RABGAP1L: variants seen among roughly 807,000 people sequenced by gnomAD.
RABGAP1L encodes the protein RAB GTPase activating protein 1 like.
Under a neutral mutation model 137.7 loss-of-function variants are expected in RABGAP1L, and 63 were observed. The observed-to-expected ratio is 0.46, with a 90% CI of 0.37 to 0.56. The LOEUF is 0.56. RABGAP1L is among the 20% of genes least tolerant of loss of function. The probability of loss-of-function intolerance (pLI) is 0.00; values close to 1 mark genes in which losing one functional copy is unlikely to be tolerated. For synonymous variants in RABGAP1L, 431 were observed against 433.7 expected, an observed-to-expected ratio of 0.99 and a Z score of 0.08; for missense variants, 1,095 against 1,244.0, an observed-to-expected ratio of 0.88 and a Z score of 1.80.
intron 13 of RABGAP1L, among the ~76,000 whole-genome samples, chr1:174,487,570 A>G (rs1659795599): frequency 6.6e-6 from 1 of 151,974 alleles, no homozygotes; most frequent in Non-Finnish European, 1.5e-5. Flanking sequence ...TTGTTTCTTT[A>G]TCCATTCAGC....
intron 11 of RABGAP1L, among the ~76,000 whole-genome samples, chr1:174,336,635 C>T (rs776382234): frequency 6.6e-6 from 1 of 152,058 alleles, no homozygotes; most frequent in South Asian, 2.1e-4. Context: ...GTCTGCTTTC[C>T]TAAAAAATGT....
intron 13 of RABGAP1L, among the ~76,000 whole-genome samples, chr1:174,530,790 TATACATACATACATAC>T (rs79486666): frequency 2.7e-5 from 4 of 146,538 alleles, no homozygotes; most frequent in Admixed American, 7.0e-5. Flanking sequence ...CCAAGATTTT[TATACATACATACATAC>T]ATACATACAT....
chr1:174,840,593 C>T (rs1226467858), intron 19 of RABGAP1L, among the ~76,000 whole-genome samples: 1 of 150,160 alleles, frequency 6.7e-6, no homozygotes, highest in African/African-American at 2.5e-5. Flanking sequence ...GTGCGGATCA[C>T]CTGAGGTCAG....
At chr1:174,544,876 A>G in intron 13 of RABGAP1L, 1 of 201,084 alleles carries the variant, frequency 5.0e-6, no homozygotes, top group Non-Finnish European at 1.1e-5. Context: ...TCCACTCCAG[A>G]CCCTGTTTGC....
At chr1:174,525,328 T>G (rs979046873) in intron 13 of RABGAP1L, among the ~76,000 whole-genome samples, 3 of 152,170 alleles carry the variant, frequency 2.0e-5, no homozygotes, top group African/African-American at 7.2e-5. Context: ...CATCAGTGTT[T>G]TATAGCTTTT....
intron 18 of RABGAP1L, among the ~76,000 whole-genome samples, chr1:174,767,887 G>A (rs1342125858): frequency 1.3e-5 from 2 of 152,146 alleles, no homozygotes; most frequent in African/African-American, 2.4e-5. Flanking sequence ...CACATCTCAC[G>A]CGGCTGTGGC....
At chr1:174,187,952 A>G (rs1452148815) in intron 1 of RABGAP1L, among the ~76,000 whole-genome samples, 2 of 152,160 alleles carry the variant, frequency 1.3e-5, no homozygotes, top group Non-Finnish European at 2.9e-5. Context: ...TCTGATTGTT[A>G]TGTCTTAAGA....
At chr1:174,312,887 G>A (rs1678989906) in intron 11 of RABGAP1L, among the ~76,000 whole-genome samples, 1 of 152,076 alleles carries the variant, frequency 6.6e-6, no homozygotes, top group African/African-American at 2.4e-5. Flanking sequence ...TGGCACCTTT[G>A]TCAAAAAATA....
At chr1:174,606,477 C>G (rs1225378316) in intron 13 of RABGAP1L, among the ~76,000 whole-genome samples, 1 of 152,200 alleles carries the variant, frequency 6.6e-6, no homozygotes, top group Non-Finnish European at 1.5e-5. Flanking sequence ...AAGCTACTTT[C>G]TTCTGTGACC....
chr1:174,750,015 G>A (rs563198322), intron 17 of RABGAP1L, among the ~76,000 whole-genome samples: 6 of 151,948 alleles, frequency 3.9e-5, no homozygotes, highest in Admixed American at 1.3e-4. Context: ...GACTACAGGC[G>A]CCTGCCACCA....
intron 17 of RABGAP1L, among the ~76,000 whole-genome samples, chr1:174,732,207 A>T (rs1281855865): frequency 1.3e-5 from 2 of 151,842 alleles, no homozygotes; most frequent in Non-Finnish European, 2.9e-5. Flanking sequence ...CCCCCAAAAA[A>T]AAAAAACATG....
intron 1 of RABGAP1L, among the ~76,000 whole-genome samples, chr1:174,177,065 G>C (rs1459901997): frequency 1.3e-5 from 2 of 152,130 alleles, no homozygotes; most frequent in Non-Finnish European, 2.9e-5. Context: ...GACAGAGTGA[G>C]ACCCTCTCTC....
chr1:174,605,830 T>C (rs1284726135), intron 13 of RABGAP1L, among the ~76,000 whole-genome samples: 1 of 152,228 alleles, frequency 6.6e-6, no homozygotes, highest in East Asian at 1.9e-4. Context: ...TTTAACATCA[T>C]CTCATTCCTT....
intron 13 of RABGAP1L, among the ~76,000 whole-genome samples, chr1:174,586,308 A>G (rs937551685): frequency 7.0e-6 from 1 of 142,230 alleles, no homozygotes; most frequent in East Asian, 2.3e-4. Context: ...CAGAAAACCA[A>G]ACACCTCGTG....
At chr1:174,267,004 T>G (rs1215880990) in intron 7 of RABGAP1L, among the ~76,000 whole-genome samples, 1 of 152,094 alleles carries the variant, frequency 6.6e-6, no homozygotes, top group Non-Finnish European at 1.5e-5. Context: ...AATGATAAAA[T>G]CACTCCAACA....
chr1:174,926,974 G>A (rs1662942319), intron 19 of RABGAP1L, among the ~76,000 whole-genome samples: 1 of 151,956 alleles, frequency 6.6e-6, no homozygotes, highest in South Asian at 2.1e-4. Context: ...TCCAGAGGCT[G>A]AGGCAGAAGA....
At chr1:174,765,699 G>C (rs975070860) in intron 18 of RABGAP1L, among the ~76,000 whole-genome samples, 5 of 151,756 alleles carry the variant, frequency 3.3e-5, no homozygotes, top group African/African-American at 9.7e-5. Flanking sequence ...TCTGTGGACT[G>C]TCTTTTCATT....
At chr1:174,806,116 A>G (rs990355473) in intron 18 of RABGAP1L, among the ~76,000 whole-genome samples, 1 of 152,206 alleles carries the variant, frequency 6.6e-6, no homozygotes, top group African/African-American at 2.4e-5. Flanking sequence ...AAGCCAGCAC[A>G]ACCTATTTTG....
At chr1:174,526,772 A>G (rs1405339408) in intron 13 of RABGAP1L, among the ~76,000 whole-genome samples, 1 of 151,858 alleles carries the variant, frequency 6.6e-6, no homozygotes, top group Non-Finnish European at 1.5e-5. Flanking sequence ...TCAAAGAACC[A>G]ATTTTTCATT....
Sources: gnomAD v4.1 joint callset for allele counts (sites outside exome capture counted in the v4.1 genomes callset) on GRCh38, gnomAD v4.1.1 for gene constraint, MANE v1.5 for transcripts, NCBI Gene and HGNC (gene_info 2026-07-23, HGNC 2026-07-21) for gene names.